Variants in ARHGAP42 observed in about 807,000 individuals in gnomAD.
The protein encoded by ARHGAP42 is rho GTPase-activating protein 42.
A neutral mutation model predicts 125.0 loss-of-function variants in ARHGAP42; 63 were observed. The ratio of observed to expected loss-of-function variants is 0.50; its 90% CI spans 0.41 to 0.62. ARHGAP42 has a LOEUF of 0.62. Ranked by LOEUF, ARHGAP42 falls within the 20% of genes least tolerant of loss-of-function variation. The pLI, the probability that ARHGAP42 is intolerant of heterozygous loss-of-function variation, is 0.00. For missense variants in ARHGAP42, 766 were observed against 1,024.2 expected (o/e 0.75, Z 3.44); for synonymous variants, 339 against 351.0 (o/e 0.97, Z 0.38).
intron 3 of ARHGAP42, among the ~76,000 whole-genome samples, chr11:100,824,618 G>A (rs907706485): frequency 6.6e-6 from 1 of 152,142 alleles, no homozygotes; most frequent in Non-Finnish European, 1.5e-5. Context: ...ATTCAGCATA[G>A]TGTAGTGAAA....
chr11:100,825,150 CCT>C (rs1258991557), intron 3 of ARHGAP42, among the ~76,000 whole-genome samples: 1 of 152,142 alleles, frequency 6.6e-6, no homozygotes, highest in East Asian at 1.9e-4. Flanking sequence ...ATTAGAAATA[CCT>C]TTACTTAATC....
chr11:100,956,948 C>G (rs1185726774), intron 12 of ARHGAP42, among the ~76,000 whole-genome samples: 1 of 152,042 alleles, frequency 6.6e-6, no homozygotes, highest in African/African-American at 2.4e-5. Flanking sequence ...GGAAGGATGC[C>G]TTATTCATGA....
chr11:100,899,097 T>G (rs1020505011), intron 4 of ARHGAP42, among the ~76,000 whole-genome samples: 4 of 152,288 alleles, frequency 2.6e-5, no homozygotes, highest in African/African-American at 9.6e-5. Context: ...ATTTCGTTAT[T>G]TACCCAGTAG....
intron 12 of ARHGAP42, among the ~76,000 whole-genome samples, chr11:100,954,650 T>C (rs1857754858): frequency 6.6e-6 from 1 of 152,154 alleles, no homozygotes; most frequent in Admixed American, 6.6e-5. Context: ...TCATCCTCCT[T>C]CTTTGCCATA....
At chr11:100,719,671 T>G (rs1861726360) in intron 1 of ARHGAP42, among the ~76,000 whole-genome samples, 1 of 152,148 alleles carries the variant, frequency 6.6e-6, no homozygotes, top group Non-Finnish European at 1.5e-5. Flanking sequence ...TTATTGTGTG[T>G]GTGTGTGTTG....
intron 1 of ARHGAP42, among the ~76,000 whole-genome samples, chr11:100,754,346 A>G (rs1400064169): frequency 6.6e-6 from 1 of 152,220 alleles, no homozygotes; most frequent in Non-Finnish European, 1.5e-5. Context: ...CCTAGAAATC[A>G]GACATACTTG....
intron 1 of ARHGAP42, among the ~76,000 whole-genome samples, chr11:100,727,822 C>T (rs1347462298): frequency 2.6e-5 from 4 of 152,208 alleles, no homozygotes; most frequent in African/African-American, 7.2e-5. Flanking sequence ...CTGTGATACA[C>T]TCCAGCAAAT....
At chr11:100,845,888 T>C (rs924694544) in intron 3 of ARHGAP42, among the ~76,000 whole-genome samples, 1 of 152,180 alleles carries the variant, frequency 6.6e-6, no homozygotes, top group Non-Finnish European at 1.5e-5. Flanking sequence ...ATCAGCCTAA[T>C]TGAGTTTTTG....
intron 10 of ARHGAP42, among the ~76,000 whole-genome samples, chr11:100,945,851 C>G (rs1313976748): frequency 4.6e-5 from 7 of 152,022 alleles, no homozygotes; most frequent in South Asian, 4.1e-4. Flanking sequence ...AACATTGGCT[C>G]TGACTTTAAG....
In ARHGAP42 at chr11:100,990,567, A is replaced by G. The variant is rs1858806520; in HGVS notation, c.*1766A>G. ...GCAATGTAATGTAAACGTTTGATAA[A>G]AGAGTATCTTTTTCTTTTATCTCTT... On this transcript the variant is annotated 3_prime_UTR_variant, in exon 24 of 24. Coordinates refer to ENST00000298815, the MANE Select transcript of ARHGAP42 (RefSeq NM_152432.4). 6.6e-6 allele frequency: 1 copy of G among 152,304 alleles called. No homozygotes were observed. The highest frequency in any genetic ancestry group is 1.5e-5 in the Non-Finnish European group (1 of 68,018). 9.4% of individuals were successfully genotyped at this position (152,304 alleles called of 1,614,324 possible).
chr11:100,966,759 CAGAG>C (rs142575815), intron 17 of ARHGAP42, among the ~76,000 whole-genome samples: 1,960 of 152,102 alleles, frequency 0.013, 40 homozygotes, highest in African/African-American at 0.045. Context: ...TTGAAAGCTA[CAGAG>C]AGAGAGACAA....
chr11:100,807,894 T>C (rs1442936550), intron 3 of ARHGAP42, among the ~76,000 whole-genome samples: 2 of 152,218 alleles, frequency 1.3e-5, no homozygotes, highest in Non-Finnish European at 2.9e-5. Flanking sequence ...ATTGGTACAG[T>C]TGGGGAAGTG....
chr11:100,827,902 A>G (rs1344864507), intron 3 of ARHGAP42, among the ~76,000 whole-genome samples: 2 of 152,178 alleles, frequency 1.3e-5, no homozygotes, highest in African/African-American at 4.8e-5. Flanking sequence ...ACTAGAATCT[A>G]CCCTTTACAA....
intron 4 of ARHGAP42, among the ~76,000 whole-genome samples, chr11:100,867,215 T>TA (rs1190504769): frequency 6.6e-6 from 1 of 152,242 alleles, no homozygotes; most frequent in Non-Finnish European, 1.5e-5. Flanking sequence ...CATTAGCCCC[T>TA]AACAAGAGAC....
At chr11:100,691,585 G>A (rs1301353374) in intron 1 of ARHGAP42, among the ~76,000 whole-genome samples, 3 of 152,062 alleles carry the variant, frequency 2.0e-5, no homozygotes, top group Non-Finnish European at 4.4e-5. Context: ...ATACAGACAC[G>A]GCTCACTGCA....
In ARHGAP42 at chr11:100,733,930, G is replaced by GTT. The variant is rs774845588; in HGVS notation, c.155-36391_155-36390dup. On this transcript the variant is annotated intron_variant, in intron 1 of 23. Coordinates refer to ENST00000298815, the MANE Select transcript of ARHGAP42 (RefSeq NM_152432.4). ...AGAAACTTCCTTCCAAAGCAAAGTTGTTTTTTTTTTTTTTTTTTTTTTTAA... is the reference window on the plus strand; with the variant it reads ...AGAAACTTCCTTCCAAAGCAAAGTTGTTTTTTTTTTTTTTTTTTTTTTTTTAA... 1.1e-3 allele frequency among the ~76,000 whole-genome samples: 121 copies of GTT among 113,334 alleles called. 2 individuals carry two copies. The highest frequency in any genetic ancestry group is 3.6e-3 in the African/African-American group (113 of 31,190). The allele number at this position is 113,334 out of a possible 152,430, so 74.4% of individuals were successfully genotyped here. A position where few individuals can be genotyped will look rare whatever the true frequency, so the allele number is the denominator to read the frequency against.
intron 8 of ARHGAP42, among the ~76,000 whole-genome samples, chr11:100,936,568 C>T (rs575454738): frequency 2.6e-5 from 4 of 152,244 alleles, no homozygotes; most frequent in East Asian, 1.9e-4. Context: ...CCATAACATG[C>T]GTTCAGTTTT....
intron 3 of ARHGAP42, among the ~76,000 whole-genome samples, chr11:100,846,504 C>T (rs780687488): frequency 2.6e-4 from 39 of 152,116 alleles, no homozygotes; most frequent in Non-Finnish European, 4.9e-4. Context: ...CTTTCTCCAC[C>T]TCCTACCCTA....
chr11:100,753,370 G>T lies in ARHGAP42; in HGVS notation c.155-16973G>T, dbSNP rs192534175. On this transcript the variant is annotated intron_variant, in intron 1 of 23. Coordinates refer to ENST00000298815, the MANE Select transcript of ARHGAP42 (RefSeq NM_152432.4). ...TTCCAGGCCGTCTTTGCTCAATACT[G>T]CCCCAGGCCGTCATTCTTTTCCTTG... is the stretch of plus-strand genomic sequence containing the variant. Among the ~76,000 whole-genome samples the T allele has an allele frequency of 1.1e-3, 163 of 152,228 alleles. 2 individuals carry two copies. Among genetic ancestry groups the T allele is most frequent in the Admixed American group, 4.7e-3 (72 of 15,294 alleles).
Sources: allele counts gnomAD v4.1 joint callset (sites outside exome capture counted in the v4.1 genomes callset), GRCh38; gene constraint gnomAD v4.1.1; transcripts MANE v1.5; gene names NCBI Gene and HGNC (gene_info 2026-07-23, HGNC 2026-07-21).